Variants in GNL2 observed in about 807,000 individuals in gnomAD.
GNL2 encodes nucleolar GTP-binding protein 2.
Under a neutral mutation model 92.3 loss-of-function variants are expected in GNL2, and 51 were observed. The ratio of observed to expected loss-of-function variants is 0.55; its 90% confidence interval spans 0.44 to 0.70. The LOEUF (loss-of-function observed/expected upper bound fraction) is 0.70, where lower values mean the gene tolerates loss of function less well. Among genes scored for constraint, GNL2 ranks in the 30% least tolerant of loss-of-function variants. The pLI is 0.00. For missense variants in GNL2, 844 were observed against 895.6 expected (o/e 0.94, Z 0.74); for synonymous variants, 283 against 300.6 (o/e 0.94, Z 0.61).
At chr1:37,595,645 G>T in intron 1 of GNL2, 114 bp downstream of exon 1, 1 of 850,554 alleles carries the variant, frequency 1.2e-6, no homozygotes, top group Non-Finnish European at 2.0e-6. Context: ...CACCCCGCTC[G>T]TAGTCATTCT....
chr1:37,580,399 G>A (rs1262578302), intron 8 of GNL2, among the ~76,000 whole-genome samples: 1 of 152,154 alleles, frequency 6.6e-6, no homozygotes, highest in Non-Finnish European at 1.5e-5. Flanking sequence ...GTATTCTGAG[G>A]AAAAACAGCA....
Position 37,575,827 on chromosome 1 carries a change from G to A in GNL2, c.1039-128C>T, listed in dbSNP as rs1190232717. 4 of 601,270 alleles carry A rather than the reference G, an allele frequency of 6.7e-6. No homozygotes were observed. The highest frequency in any genetic ancestry group is 4.1e-4 in the Middle Eastern group (1 of 2,428). The allele number at this position is 601,270 out of a possible 1,614,324, so 37.2% of individuals were successfully genotyped here. ...GAGTCAAAGAAAAGCAACGCGCTAA[G>A]TAATTAAGCTACTAACTCTCTCATC... is the stretch of plus-strand genomic sequence containing the variant. On this transcript the variant is annotated intron_variant, in intron 9 of 15. Transcript: ENST00000373062. This position sits in a 1 kb window ranked among gnomAD's most constrained non-coding sequence, Gnocchi z 4.1.
intron 8 of GNL2, among the ~76,000 whole-genome samples, chr1:37,577,752 GAT>G (rs1643701455): frequency 6.6e-6 from 1 of 152,200 alleles, no homozygotes; most frequent in Non-Finnish European, 1.5e-5. Flanking sequence ...AGGACCAGCA[GAT>G]AGTCTGCCAA....
At position 37,590,896 on chromosome 1, in the gene GNL2, T is replaced by C. The variant is rs556980065; in HGVS notation, c.245-51A>G. On this transcript the variant is annotated intron_variant, in intron 3 of 15. Transcript: ENST00000373062. ...CACTTAGTTAATATTTGCGCATCCA[T>C]CTTCCACTGACACGGTGAAAGGCAA... 4.0e-5 allele frequency: 58 copies of C among 1,440,176 alleles called. No homozygotes were observed. In the South Asian group the frequency reaches 7.0e-4, roughly 17 times the overall value. The allele number at this position is 1,440,176 out of a possible 1,614,324, so 89.2% of individuals were successfully genotyped here.
At chr1:37,581,483 T>C (rs750329590) in intron 8 of GNL2, 9 of 455,858 alleles carry the variant, frequency 2.0e-5, no homozygotes, top group African/African-American at 1.6e-4. Flanking sequence ...ATGGGCTCCA[T>C]GGGCAGAGGA....
intron 8 of GNL2, among the ~76,000 whole-genome samples, chr1:37,580,554 A>C (rs1026988372): frequency 6.6e-6 from 1 of 152,242 alleles, no homozygotes; most frequent in South Asian, 2.1e-4. Context: ...GAAAAGAAGA[A>C]AAGAGGTCCT....
intron 5 of GNL2, among the ~76,000 whole-genome samples, chr1:37,584,653 G>A (rs546637701): frequency 1.3e-5 from 2 of 152,214 alleles, no homozygotes; most frequent in Non-Finnish European, 1.5e-5. Flanking sequence ...GGCTGGGGGA[G>A]AGGGGAAACG....
rs1162686523 is a variant in GNL2, at chr1:37,588,847, AATAGTT to A, written c.385-1358_385-1353del. On this transcript the variant is annotated intron_variant, in intron 4 of 15. Transcript: ENST00000373062. ...AGTAATAGATATTACACTAAAATAAAATAGTTAAGGTTTTTCAAGGCCAAAGCAGAA... is the reference window on the plus strand; with the variant it reads ...AGTAATAGATATTACACTAAAATAAAAAGGTTTTTCAAGGCCAAAGCAGAA... 6.6e-5 allele frequency among the ~76,000 whole-genome samples: 10 copies of A among 152,230 alleles called. No homozygotes were observed. The South Asian group carries it at 8.3e-4, about 13-fold the overall frequency.
chr1:37,584,927 A>G (rs112565834), intron 5 of GNL2, among the ~76,000 whole-genome samples: 46 of 151,820 alleles, frequency 3.0e-4, no homozygotes, highest in African/African-American at 1.1e-3. Context: ...TAAAAATACA[A>G]AAAAATTAGC....
chr1:37,570,217 G>C (rs932831898), intron 12 of GNL2: 1 of 152,168 alleles, frequency 6.6e-6, no homozygotes. Context: ...AATGGATCTC[G>C]GGGATGGGTT....
intron 12 of GNL2, chr1:37,569,755 G>A (rs1463063674): frequency 6.4e-6 from 1 of 156,656 alleles, no homozygotes; most frequent in South Asian, 1.9e-4. Context: ...TTCATATGTT[G>A]GAAACTGGTA....
At chr1:37,587,907 T>C (rs1006541451) in intron 4 of GNL2, among the ~76,000 whole-genome samples, 5 of 152,238 alleles carry the variant, frequency 3.3e-5, no homozygotes, top group Non-Finnish European at 7.3e-5. Flanking sequence ...GCCAAATTCA[T>C]AGATTTTGTC....
chr1:37,574,171 G>A (rs1385821276), intron 12 of GNL2, among the ~76,000 whole-genome samples, 172 bp downstream of exon 12: 2 of 152,094 alleles, frequency 1.3e-5, no homozygotes, highest in East Asian at 1.9e-4. Flanking sequence ...GATTACAGGC[G>A]TGAGCCACCC....
At chr1:37,581,484 G>A (rs1288961827) in intron 8 of GNL2, 5 of 456,070 alleles carry the variant, frequency 1.1e-5, no homozygotes, top group South Asian at 6.2e-5. Flanking sequence ...TGGGCTCCAT[G>A]GGCAGAGGAT....
Position 37,574,613 on chromosome 1 carries a change from C to T in GNL2, c.1302+52G>A, listed in dbSNP as rs113289679. On this transcript the variant is annotated intron_variant, in intron 11 of 15. Coordinates refer to ENST00000373062, the MANE Select transcript of GNL2 (RefSeq NM_013285.3). ...ACCAAAAAAAGGCCCATATCATATA[C>T]ATACATGCTTGTGACAAGTATCAGT... 124 of 1,563,326 alleles carry T rather than the reference C, an allele frequency of 7.9e-5. No individual in the cohort carries two copies. In the African/African-American group the frequency reaches 1.4e-3, roughly 17 times the overall value.
intron 12 of GNL2, among the ~76,000 whole-genome samples, chr1:37,573,099 T>G (rs1388010917): frequency 6.6e-6 from 1 of 152,202 alleles, no homozygotes; most frequent in African/African-American, 2.4e-5. Context: ...TGGGTGAATG[T>G]ATCAGTGAAT....
intron 8 of GNL2, among the ~76,000 whole-genome samples, chr1:37,576,903 G>A (rs1048893727): frequency 6.6e-6 from 1 of 152,190 alleles, no homozygotes; most frequent in African/African-American, 2.4e-5. Flanking sequence ...CCTGAGGTCA[G>A]GGGTTCGAGA....
In GNL2 at chr1:37,595,874, C is replaced by CA; in HGVS notation, c.-53dup. 6.6e-7 allele frequency: 1 copy of CA among 1,525,548 alleles called. No individual in the cohort carries two copies. Among genetic ancestry groups the CA allele is most frequent in the Non-Finnish European group, 9.1e-7 (1 of 1,099,410 alleles). 94.5% of individuals were successfully genotyped at this position (1,525,548 alleles called of 1,614,324 possible). On this transcript the variant is annotated 5_prime_UTR_variant, in exon 1 of 16. Coordinates refer to ENST00000373062, the MANE Select transcript of GNL2 (RefSeq NM_013285.3). ...GCGAGGTCCGGCTTACGTGGTGAAA[C>CA]AAACTTTTATGTTCCCAAGCCCGGC...
intron 5 of GNL2, among the ~76,000 whole-genome samples, chr1:37,584,445 T>A (rs1643820004): frequency 7.9e-6 from 1 of 126,288 alleles, no homozygotes; most frequent in African/African-American, 2.8e-5. Flanking sequence ...AGACCCTGTC[T>A]CAAAAAATAA....
Sources: allele counts gnomAD v4.1 joint callset (sites outside exome capture counted in the v4.1 genomes callset), GRCh38; gene constraint gnomAD v4.1.1; non-coding constraint Gnocchi (gnomAD v3.1); transcripts MANE v1.5; gene names NCBI Gene and HGNC (gene_info 2026-07-23, HGNC 2026-07-21).